The following VPS25 variants were observed in gnomAD, a reference collection of about 807,000 sequenced individuals.
VPS25 encodes the protein vacuolar protein sorting 25 homolog.
A neutral mutation model predicts 30.3 loss-of-function variants in VPS25; 21 were observed. That is an observed-to-expected ratio of 0.69 (90% confidence interval 0.49 to 1.00). The LOEUF (loss-of-function observed/expected upper bound fraction) is 1.00, where lower values mean the gene tolerates loss of function less well. Among genes scored for constraint, VPS25 ranks in the 50% least tolerant of loss-of-function variants. VPS25 has a pLI of 0.00. For missense variants in VPS25, 156 were observed against 217.2 expected, an observed-to-expected ratio of 0.72 and a Z score of 1.77; for synonymous variants, 101 against 88.1, an observed-to-expected ratio of 1.15 and a Z score of -0.82.
intron 1 of VPS25, 89 bp from the exon 2 acceptor site, chr17:42,773,644 T>A: frequency 6.2e-7 from 1 of 1,606,024 alleles, no homozygotes; most frequent in Non-Finnish European, 8.5e-7. Context: ...GCCAACACCC[T>A]CAGTCCCTTA....
chr17:42,773,828 C>G lies in VPS25; in HGVS notation c.149C>G (p.Thr50Arg), dbSNP rs757171371. 1 of 1,614,106 alleles carries G rather than the reference C, an allele frequency of 6.2e-7. No homozygotes were observed. Among genetic ancestry groups the G allele is most frequent in the Non-Finnish European group, 8.5e-7 (1 of 1,180,040 alleles). ...CGCCTGCACAAACAGTCCAGCATGA[C>G]GGTGATGGAAGCTCAGGAGAGCCCG... ...FCRLHKQSSM[T>R]VMEAQESPLF... Residue 50 changes from threonine (T) to arginine (R), a missense_variant, in exon 2 of 6, where the codon ACG becomes AGG. Physicochemically the swap from Thr to Arg is moderately conservative, Grantham distance 71. Coordinates refer to ENST00000253794, the MANE Select transcript of VPS25 (RefSeq NM_032353.4).
chr17:42,778,595 G>T (rs1425614239), intron 5 of VPS25, among the ~76,000 whole-genome samples: 1 of 152,198 alleles, frequency 6.6e-6, no homozygotes, highest in Admixed American at 6.5e-5. Context: ...ATCCTCTAGG[G>T]TCAGTGTCTA....
chr17:42,777,252 C>G (rs915045966), intron 5 of VPS25, among the ~76,000 whole-genome samples: 1 of 150,864 alleles, frequency 6.6e-6, no homozygotes, highest in Non-Finnish European at 1.5e-5. Flanking sequence ...CAGTGGCTCA[C>G]GCCTGTAATC....
chr17:42,775,645 C>T (rs1443179169), intron 4 of VPS25, among the ~76,000 whole-genome samples, 176 bp downstream of exon 4: 1 of 152,150 alleles, frequency 6.6e-6, no homozygotes. Context: ...ATGTCTTTGG[C>T]TGCATAGAAC....
intron 5 of VPS25, among the ~76,000 whole-genome samples, chr17:42,777,347 T>C (rs982492094): frequency 1.3e-5 from 2 of 152,172 alleles, no homozygotes; most frequent in Non-Finnish European, 2.9e-5. Flanking sequence ...AAACCCCGTC[T>C]CTACTAAAAA....
chr17:42,775,298 C>T, intron 3 of VPS25, 83 bp from the exon 4 acceptor site: 1 of 1,056,668 alleles, frequency 9.5e-7, no homozygotes, highest in East Asian at 2.4e-5. Flanking sequence ...AACTCCTGGG[C>T]TCAAGCAGTC....
At chr17:42,776,431 C>T (rs905106811) in intron 5 of VPS25, 111 bp downstream of exon 5, 7 of 955,818 alleles carry the variant, frequency 7.3e-6, no homozygotes, top group Non-Finnish European at 1.1e-5. Flanking sequence ...GTTGCAATCT[C>T]GGCTCACTGC....
intron 5 of VPS25, 148 bp from the exon 6 acceptor site, chr17:42,778,809 G>A (rs61754283): frequency 3.8e-4 from 233 of 619,224 alleles, no homozygotes; most frequent in Middle Eastern, 8.0e-4. Context: ...CCTAAGGAGT[G>A]CCTGGGAAGT....
At chr17:42,776,417 C>A in intron 5 of VPS25, 97 bp downstream of exon 5, 2 of 1,158,004 alleles carry the variant, frequency 1.7e-6, no homozygotes, top group Non-Finnish European at 2.5e-6. Context: ...GGCTGGAGTG[C>A]AATGTTGCAA....
chr17:42,774,542 T>G (rs2054426409), intron 2 of VPS25, 104 bp from the exon 3 acceptor site: 2 of 839,994 alleles, frequency 2.4e-6, no homozygotes, highest in African/African-American at 3.4e-5. Flanking sequence ...CACACATATG[T>G]GTGTGGGAGA....
At chr17:42,775,287 G>A (rs564203802) in intron 3 of VPS25, 94 bp from the exon 4 acceptor site, 50 of 902,302 alleles carry the variant, frequency 5.5e-5, no homozygotes, top group East Asian at 1.5e-4. Context: ...GGCTAGTTTC[G>A]AACTCCTGGG....
chr17:42,776,028 C>G (rs142233369), intron 4 of VPS25, among the ~76,000 whole-genome samples: 1 of 152,308 alleles, frequency 6.6e-6, no homozygotes, highest in African/African-American at 2.4e-5. Context: ...TCCTCAGACA[C>G]GTGAAGACCT....
At chr17:42,773,626 A>AC in intron 1 of VPS25, 98 bp downstream of exon 1, 1 of 1,605,674 alleles carries the variant, frequency 6.2e-7, no homozygotes. Flanking sequence ...GGGAGAAAAG[A>AC]CCCGTCGGCC....
chr17:42,775,045 A>C, intron 3 of VPS25: 1 of 358,764 alleles, frequency 2.8e-6, no homozygotes, highest in Non-Finnish European at 5.0e-6. Flanking sequence ...AGTTCATGAT[A>C]CTTTTTTTTT....
intron 4 of VPS25, 47 bp from the exon 5 acceptor site, chr17:42,776,198 C>T: frequency 2.0e-6 from 3 of 1,527,928 alleles, no homozygotes; most frequent in Non-Finnish European, 2.7e-6. Flanking sequence ...TACTGTCTCC[C>T]AGGAGATTCT....
At chr17:42,775,204 C>T (rs1208300287) in intron 3 of VPS25, 177 bp from the exon 4 acceptor site, 2 of 560,552 alleles carry the variant, frequency 3.6e-6, no homozygotes, top group Non-Finnish European at 6.4e-6. Context: ...TCACCACACA[C>T]CTGGCTAATT....
intron 5 of VPS25, among the ~76,000 whole-genome samples, chr17:42,778,248 C>T (rs1399169707): frequency 6.6e-6 from 1 of 152,090 alleles, no homozygotes; most frequent in Non-Finnish European, 1.5e-5. Context: ...TGCAGTTGCA[C>T]GATCTTGACA....
chr17:42,778,590 C>A (rs1419674167), intron 5 of VPS25, among the ~76,000 whole-genome samples: 1 of 152,204 alleles, frequency 6.6e-6, no homozygotes, highest in Non-Finnish European at 1.5e-5. Flanking sequence ...GATAGATCCT[C>A]TAGGGTCAGT....
At chr17:42,774,228 G>T in intron 2 of VPS25, 2 of 269,030 alleles carry the variant, frequency 7.4e-6, no homozygotes, top group Non-Finnish European at 1.4e-5. Flanking sequence ...TATTTTCTCT[G>T]CCCCCCTCCT....
Sources: allele counts gnomAD v4.1 joint callset (sites outside exome capture counted in the v4.1 genomes callset), GRCh38; gene constraint gnomAD v4.1.1; transcripts MANE v1.5; gene names NCBI Gene and HGNC (gene_info 2026-07-23, HGNC 2026-07-21).